PDCD6IP: variants seen among roughly 807,000 people sequenced by gnomAD.
The protein encoded by PDCD6IP is programmed cell death 6-interacting protein.
PDCD6IP carries 43 observed loss-of-function variants against 103.7 expected under a neutral mutation model. That is an observed-to-expected ratio of 0.41 (90% CI 0.32 to 0.53). The LOEUF is 0.53. PDCD6IP is among the 20% of genes least tolerant of loss of function. The pLI is 0.16. For missense variants in PDCD6IP, 871 were observed against 1,036.7 expected (o/e 0.84, Z 2.20); for synonymous variants, 354 against 378.7 (o/e 0.93, Z 0.76).
chr3:33,813,716 CT>C (rs1411149963), intron 3 of PDCD6IP, 88 bp downstream of exon 3: 4 of 749,178 alleles, frequency 5.3e-6, no homozygotes, highest in Non-Finnish European at 9.3e-6. Context: ...CCTAATGACT[CT>C]TTGTAAATAC....
At chr3:33,864,179 T>C (rs1306160914) in intron 16 of PDCD6IP, 50 bp downstream of exon 16, 2 of 1,077,020 alleles carry the variant, frequency 1.9e-6, no homozygotes, top group African/African-American at 1.5e-5. Flanking sequence ...TTAACGATGA[T>C]TACTTGTTCT....
intron 15 of PDCD6IP, among the ~76,000 whole-genome samples, chr3:33,857,782 A>T (rs1294901392): frequency 6.6e-6 from 1 of 152,214 alleles, no homozygotes; most frequent in Non-Finnish European, 1.5e-5. Flanking sequence ...TGCTTCCGTA[A>T]CATGAAAATA....
intron 15 of PDCD6IP, among the ~76,000 whole-genome samples, chr3:33,859,019 G>A (rs1321549494): frequency 6.6e-6 from 1 of 152,156 alleles, no homozygotes; most frequent in Non-Finnish European, 1.5e-5. Flanking sequence ...AGGAATACTA[G>A]TTCTACCAGA....
At chr3:33,841,532 G>A (rs1412018948) in intron 9 of PDCD6IP, among the ~76,000 whole-genome samples, 1 of 135,982 alleles carries the variant, frequency 7.4e-6, no homozygotes, top group Non-Finnish European at 1.5e-5. Flanking sequence ...TCCGCCTCCC[G>A]GGTTCACGCC....
At chr3:33,852,452 TTTTTG>T in intron 12 of PDCD6IP, 31 bp from the exon 13 acceptor site, 1 of 1,315,228 alleles carries the variant, frequency 7.6e-7, no homozygotes, top group Non-Finnish European at 9.8e-7. Context: ...TTTTTTTTTT[TTTTTG>T]CAGTTAAACT....
At chr3:33,841,120 C>T (rs1481206306) in intron 9 of PDCD6IP, among the ~76,000 whole-genome samples, 3 of 151,716 alleles carry the variant, frequency 2.0e-5, no homozygotes, top group Admixed American at 1.3e-4. Context: ...CTTCGCCTCC[C>T]GGCTTCAGGT....
At chr3:33,805,783 C>T (rs964940804) in intron 1 of PDCD6IP, among the ~76,000 whole-genome samples, 7 of 150,252 alleles carry the variant, frequency 4.7e-5, no homozygotes, top group East Asian at 2.0e-4. Context: ...CTCACTCGGT[C>T]GCCCAGGCTA....
intron 1 of PDCD6IP, among the ~76,000 whole-genome samples, chr3:33,803,073 T>C (rs1218897356): frequency 6.6e-6 from 1 of 152,246 alleles, no homozygotes; most frequent in African/African-American, 2.4e-5. Context: ...TCTTATATCC[T>C]GTGTGTCATT....
chr3:33,841,433 C>CTTTTTTTTT (rs1301369045), intron 9 of PDCD6IP, among the ~76,000 whole-genome samples: 18 of 60,946 alleles, frequency 3.0e-4, no homozygotes, highest in East Asian at 5.1e-4. Context: ...CTTTGCTTTG[C>CTTTTTTTTT]TTTTTTTTTT....
chr3:33,809,988 C>T (rs548869682), intron 1 of PDCD6IP, among the ~76,000 whole-genome samples: 12 of 152,220 alleles, frequency 7.9e-5, no homozygotes, highest in Admixed American at 6.5e-4. Flanking sequence ...TTATTTTTAT[C>T]GCTTGGTTAA....
At chr3:33,849,610 T>C (rs6795006) in intron 12 of PDCD6IP, among the ~76,000 whole-genome samples, 44,492 of 152,042 alleles carry the variant, frequency 0.29, 6,747 homozygotes, top group East Asian at 0.41. Flanking sequence ...GTAGCTGGAG[T>C]TGTGTATAAG....
Position 33,844,208 on chromosome 3 carries a change from A to G in PDCD6IP, c.1456A>G (p.Lys486Glu), listed in dbSNP as rs748759332. Residue 486 changes from lysine (K) to glutamate (E), a missense_variant, in exon 11 of 18, where the codon AAG (lysine) becomes GAG (glutamate). Physicochemically the swap from Lys to Glu is moderately conservative, Grantham distance 56. This residue lies in a region of PDCD6IP where 266 missense variants were observed against 390.5 expected (regional missense o/e 0.68). Coordinates refer to ENST00000307296, the MANE Select transcript of PDCD6IP (RefSeq NM_013374.6). ...AAGGACACCATCCAATGAACTGTAT[A>G]AGCCTTTAAGAGCAGGTAAAAATGT... Reference protein sequence around the residue: ...WQRTPSNELYKPLRAEGTNFR... With the variant: ...WQRTPSNELYEPLRAEGTNFR... 15 of 1,558,900 alleles carry G rather than the reference A, an allele frequency of 9.6e-6. No individual in the cohort carries two copies. The highest frequency in any genetic ancestry group is 1.2e-5 in the Non-Finnish European group (14 of 1,159,454).
At chr3:33,811,527 T>G (rs1696718574) in intron 1 of PDCD6IP, among the ~76,000 whole-genome samples, 1 of 152,180 alleles carries the variant, frequency 6.6e-6, no homozygotes, top group African/African-American at 2.4e-5. Flanking sequence ...GCTTTATATT[T>G]TGTGATCATT....
chr3:33,816,604 AACTCAAGTCATGTAAGGTTGGAGAAGTC>A (rs2125549989), intron 3 of PDCD6IP, among the ~76,000 whole-genome samples: 1 of 152,108 alleles, frequency 6.6e-6, no homozygotes, highest in East Asian at 1.9e-4. Flanking sequence ...ATTGTGGCAG[AACTCAAGTCATGTAAGGTTGGAGAAGTC>A]ACTGGATTTA....
chr3:33,821,793 G>A (rs1313499960), intron 3 of PDCD6IP, among the ~76,000 whole-genome samples, 162 bp from the exon 4 acceptor site: 1 of 152,230 alleles, frequency 6.6e-6, no homozygotes, highest in African/African-American at 2.4e-5. Flanking sequence ...GCCTGTAAGG[G>A]CAGCTTGAAA....
chr3:33,866,295 T>C, intron 17 of PDCD6IP, 56 bp from the exon 18 acceptor site: 1 of 1,077,268 alleles, frequency 9.3e-7, no homozygotes, highest in Non-Finnish European at 1.3e-6. Flanking sequence ...ATGATTATTG[T>C]TTTATTTTTT....
At chr3:33,811,024 C>A (rs1031843200) in intron 1 of PDCD6IP, 11 of 383,030 alleles carry the variant, frequency 2.9e-5, no homozygotes, top group Non-Finnish European at 4.8e-5. Context: ...TAGCTGGGAC[C>A]ACAGGTGTGC....
intron 1 of PDCD6IP, among the ~76,000 whole-genome samples, chr3:33,810,896 A>AT (rs772180215): frequency 0.17 from 23,349 of 138,098 alleles, 2,267 homozygotes; most frequent in African/African-American, 0.26. Flanking sequence ...ATGTTTGTGG[A>AT]TTTTTTTTTT....
chr3:33,824,255 C>CT (rs398062226), intron 4 of PDCD6IP, among the ~76,000 whole-genome samples: 11,690 of 146,032 alleles, frequency 0.08, 564 homozygotes, highest in Middle Eastern at 0.12. Context: ...CTCATGACAC[C>CT]TTTTTTTTTT....
Sources: gnomAD v4.1 joint callset for allele counts (sites outside exome capture counted in the v4.1 genomes callset) on GRCh38, gnomAD v4.1.1 for gene constraint, gnomAD v4.1.1 regional missense constraint, MANE v1.5 for transcripts, NCBI Gene and HGNC (gene_info 2026-07-23, HGNC 2026-07-21) for gene names.